The following POLI variants were observed in gnomAD, a reference collection of about 807,000 sequenced individuals.
POLI encodes the protein DNA polymerase iota, also known as RAD30 homolog B.
POLI carries 58 observed loss-of-function variants against 51.6 expected under a neutral mutation model. The observed-to-expected ratio is 1.12, with a 90% CI of 0.91 to 1.40. POLI has a LOEUF of 1.40. Among genes scored for constraint, POLI ranks in the 40% most tolerant of loss-of-function variants. The pLI, the probability that POLI is intolerant of heterozygous loss-of-function variation, is 0.00. For synonymous variants in POLI, 322 were observed against 299.7 expected, an observed-to-expected ratio of 1.07 and a Z score of -0.77; for missense variants, 921 against 871.3, an observed-to-expected ratio of 1.06 and a Z score of -0.72.
At chr18:54,270,139 T>C (rs2086938445) in intron 1 of POLI, 1 of 547,614 alleles carries the variant, frequency 1.8e-6, no homozygotes, top group African/African-American at 2.0e-5. Context: ...CTCTGGTCTT[T>C]ACCTTGTACC....
chr18:54,273,369 C>T (rs1477325645), intron 2 of POLI, among the ~76,000 whole-genome samples: 1 of 146,120 alleles, frequency 6.8e-6, no homozygotes. Flanking sequence ...TTTAGTTGTA[C>T]TCAATTATTT....
In POLI at chr18:54,296,048, A is replaced by G; in HGVS notation, c.*1581A>G. The stretch of plus-strand genomic sequence containing the variant: ...CAGTAACTTGAAGCAAGAACATCAG[A>G]AATTGTTCACCATGCAAATATTTAG... On this transcript the variant is annotated 3_prime_UTR_variant, in exon 10 of 10. Coordinates refer to ENST00000579534, the MANE Select transcript of POLI (RefSeq NM_007195.3). 1.0e-6 allele frequency: 1 copy of G among 985,062 alleles called. No individual in the cohort carries two copies. Among genetic ancestry groups the G allele is most frequent in the Middle Eastern group, 5.2e-4 (1 of 1,914 alleles). The allele number at this position is 985,062 out of a possible 1,614,324, so 61.0% of individuals were successfully genotyped here.
chr18:54,314,307 T>C (rs1331981794), intron 3 of POLI, among the ~76,000 whole-genome samples: 1 of 152,176 alleles, frequency 6.6e-6, no homozygotes, highest in African/African-American at 2.4e-5. Context: ...CAACCTTGCA[T>C]CCCAGGAAGA....
chr18:54,300,652 CAATT>C (rs1376305413), downstream of POLI, among the ~76,000 whole-genome samples: 6 of 151,944 alleles, frequency 3.9e-5, no homozygotes, highest in South Asian at 2.1e-4. Context: ...CTAAAAACCT[CAATT>C]AAAGGGCAGA....
rs2088387810 is a variant in POLI at position 54,297,407 on chromosome 18, G to C, written c.*2940G>C. On this transcript the variant is annotated 3_prime_UTR_variant, in exon 10 of 10. Transcript: ENST00000579534. The stretch of plus-strand genomic sequence containing the variant: ...GGTTTCTGTCTTGAGTGTAGGCCTG[G>C]AGATTTCCCTTATATGGTACAAACC... The C allele has an allele frequency of 4.1e-6, 4 of 983,214 alleles. No homozygotes were observed. The South Asian group carries it at 1.9e-4, about 46-fold the overall frequency. 60.9% of individuals were successfully genotyped at this position (983,214 alleles called of 1,614,324 possible). A position where few individuals can be genotyped will look rare whatever the true frequency, so the allele number is the denominator to read the frequency against.
At chr18:54,299,296 G>T (rs778279336), downstream of POLI, among the ~76,000 whole-genome samples, 1 of 152,182 alleles carries the variant, frequency 6.6e-6, no homozygotes, top group Non-Finnish European at 1.5e-5. Context: ...TTGACTGGGC[G>T]TGGTGGTGCA....
At chr18:54,278,142 A>G (rs1008400752) in intron 4 of POLI, among the ~76,000 whole-genome samples, 1 of 152,092 alleles carries the variant, frequency 6.6e-6, no homozygotes, top group African/African-American at 2.4e-5. Flanking sequence ...TTTTCGTCTG[A>G]CACAGTGCAT....
At chr18:54,272,990 A>C (rs1280465585) in intron 2 of POLI, among the ~76,000 whole-genome samples, 3 of 151,434 alleles carry the variant, frequency 2.0e-5, no homozygotes, top group Non-Finnish European at 4.4e-5. Flanking sequence ...AAATTTTAGA[A>C]ACAATGTCTA....
chr18:54,321,012 A>G (rs923438289), intron 4 of POLI: 1 of 152,194 alleles, frequency 6.6e-6, no homozygotes, highest in African/African-American at 2.4e-5. Flanking sequence ...CCAGTTTTAC[A>G]TGCACTCATT....
intron 2 of POLI, 109 bp downstream of exon 2, chr18:54,271,594 G>GTAAGAACTGC: frequency 2.7e-6 from 2 of 741,190 alleles, no homozygotes; most frequent in Non-Finnish European, 4.2e-6. Flanking sequence ...TTTGGAAGCA[G>GTAAGAACTGC]TTCTTACAGT....
At chr18:54,292,074 T>C (rs888281772) in intron 9 of POLI, 36 bp downstream of exon 9, 1 of 1,256,272 alleles carries the variant, frequency 8.0e-7, no homozygotes, top group Non-Finnish European at 1.2e-6. Context: ...TTTCTAAGTA[T>C]ACTCTTATGG....
At chr18:54,302,139 A>T (rs2088502989), downstream of POLI, among the ~76,000 whole-genome samples, 1 of 152,176 alleles carries the variant, frequency 6.6e-6, no homozygotes. Context: ...GTATCATTAG[A>T]TCTTTCCTTT....
At position 54,291,917 on chromosome 18, in the gene POLI, T is replaced by C; in HGVS notation, c.1283T>C (p.Leu428Pro). The C allele has an allele frequency of 6.2e-7, 1 of 1,609,160 alleles. No individual in the cohort carries two copies. The highest frequency in any genetic ancestry group is 8.5e-7 in the Non-Finnish European group (1 of 1,175,940). ...GTGAATGTGAAGATGCCATTTCACC[T>C]TACCCTTCTAAGTGTGTGCTTCTGC... ...NMVNVKMPFH[L>P]TLLSVCFCNL... Residue 428 changes from leucine (L) to proline (P), a missense_variant, in exon 9 of 10, where the codon CTT becomes CCT. By Grantham distance (98) the Leu-to-Pro change is moderately conservative (BLOSUM62 -3). Transcript: ENST00000579534.
chr18:54,301,904 T>C (rs563320754), downstream of POLI, among the ~76,000 whole-genome samples: 44 of 152,382 alleles, frequency 2.9e-4, no homozygotes, highest in African/African-American at 1.0e-3. Flanking sequence ...CCTGTTCTTG[T>C]TCATTTTTTC....
At chr18:54,317,896 T>A (rs1410126177) in intron 3 of POLI, among the ~76,000 whole-genome samples, 2 of 152,122 alleles carry the variant, frequency 1.3e-5, no homozygotes, top group East Asian at 3.8e-4. Flanking sequence ...TCTTTGGTAG[T>A]TGAAGATTAA....
intron 8 of POLI, 87 bp from the exon 9 acceptor site, chr18:54,291,746 G>T: frequency 3.2e-6 from 2 of 627,278 alleles, no homozygotes; most frequent in East Asian, 2.9e-5. Context: ...GTGATATTTA[G>T]GATTTTAATT....
At chr18:54,269,955 G>T in intron 1 of POLI, 1 of 1,164,226 alleles carries the variant, frequency 8.6e-7, no homozygotes, top group Non-Finnish European at 1.1e-6. Context: ...CCCTCAGCCA[G>T]CCCGACGAAA....
intron 3 of POLI, among the ~76,000 whole-genome samples, chr18:54,313,260 G>A (rs1271644618): frequency 6.6e-6 from 1 of 152,116 alleles, no homozygotes. Context: ...GATGGTTGTA[G>A]GTATGTGGCT....
rs116994400 is a variant in POLI, at chr18:54,291,769, C to T, written c.1199-64C>T. 1.5e-5 allele frequency: 11 copies of T among 733,346 alleles called. 1 individual carries two copies. In the East Asian group the frequency reaches 2.8e-4, roughly 19 times the overall value. The allele number at this position is 733,346 out of a possible 1,614,324, so 45.4% of individuals were successfully genotyped here. On this transcript the variant is annotated intron_variant, in intron 8 of 9. Transcript: ENST00000579534. ...TAGGATTTTAATTTCTTAATCTCAG[C>T]AATATAAAATATATTATGCTCTTAA... is the stretch of plus-strand genomic sequence containing the variant.
Sources: gnomAD v4.1 joint callset for allele counts (sites outside exome capture counted in the v4.1 genomes callset) on GRCh38, gnomAD v4.1.1 for gene constraint, MANE v1.5 for transcripts, NCBI Gene and HGNC (gene_info 2026-07-23, HGNC 2026-07-21) for gene names.